Variants in PPP3CA observed in about 807,000 individuals in gnomAD.
The protein encoded by PPP3CA is CAM-PRP catalytic subunit.
A neutral mutation model predicts 66.5 loss-of-function variants in PPP3CA; 14 were observed. The ratio of observed to expected loss-of-function variants is 0.21; its 90% CI spans 0.14 to 0.33. The LOEUF (loss-of-function observed/expected upper bound fraction) is 0.33. Among genes scored for constraint, PPP3CA ranks in the 10% least tolerant of loss-of-function variants. The pLI is 1.00. For synonymous variants in PPP3CA, 232 were observed against 226.2 expected (o/e 1.03, Z -0.23); for missense variants, 317 against 639.5 (o/e 0.50, Z 5.44).
At chr4:101,287,972 T>A (rs1394066890) in intron 1 of PPP3CA, among the ~76,000 whole-genome samples, 1 of 152,144 alleles carries the variant, frequency 6.6e-6, no homozygotes, top group African/African-American at 2.4e-5. Context: ...ACCCAACCGT[T>A]TAAGTCAGAC....
chr4:101,344,519 C>A (rs1729917112), intron 1 of PPP3CA, among the ~76,000 whole-genome samples: 1 of 152,128 alleles, frequency 6.6e-6, no homozygotes, highest in Non-Finnish European at 1.5e-5. Flanking sequence ...TCTATCAAAA[C>A]AAATGCAAAA....
At chr4:101,113,971 G>A (rs768819740) in intron 2 of PPP3CA, among the ~76,000 whole-genome samples, 19 of 152,060 alleles carry the variant, frequency 1.2e-4, no homozygotes, top group Non-Finnish European at 1.3e-4. Flanking sequence ...TGAACAACCA[G>A]GCTCTGACAA....
At chr4:101,301,666 G>A (rs1299756484) in intron 1 of PPP3CA, among the ~76,000 whole-genome samples, 1 of 148,636 alleles carries the variant, frequency 6.7e-6, no homozygotes, top group Admixed American at 6.7e-5. Context: ...GTTAATTTTT[G>A]TATTTTCAGT....
In PPP3CA at chr4:101,241,326, G is replaced by C. The variant is rs369810627; in HGVS notation, c.59-45210C>G. ...GCTGCTTCATAGTTTTGACAGGAAA[G>C]CCACCTAAGATAATATGTGGAAGGC... On this transcript the variant is annotated intron_variant, in intron 1 of 13. Coordinates refer to ENST00000394854, the MANE Select transcript of PPP3CA (RefSeq NM_000944.5). Among the ~76,000 whole-genome samples, 5 of 152,196 alleles carry C rather than the reference G, an allele frequency of 3.3e-5. No homozygotes were observed. The South Asian group carries it at 1.0e-3, about 32-fold the overall frequency.
intron 2 of PPP3CA, among the ~76,000 whole-genome samples, chr4:101,151,697 C>T (rs1324678115): frequency 2.9e-5 from 3 of 103,982 alleles, no homozygotes; most frequent in Non-Finnish European, 5.2e-5. Flanking sequence ...TGCTCTGTTG[C>T]CCAGGCTGGA....
At chr4:101,281,854 G>A (rs943425118) in intron 1 of PPP3CA, among the ~76,000 whole-genome samples, 13 of 152,290 alleles carry the variant, frequency 8.5e-5, no homozygotes, top group East Asian at 5.8e-4. Context: ...AACAAAGACA[G>A]ACTTGCTAGT....
At chr4:101,251,166 T>C (rs1271039495) in intron 1 of PPP3CA, among the ~76,000 whole-genome samples, 1 of 152,022 alleles carries the variant, frequency 6.6e-6, no homozygotes, top group Non-Finnish European at 1.5e-5. Context: ...CATAAAATTA[T>C]ATCATATGAA....
At chr4:101,125,111 G>T (rs1029248219) in intron 2 of PPP3CA, among the ~76,000 whole-genome samples, 4 of 138,940 alleles carry the variant, frequency 2.9e-5, no homozygotes, top group Admixed American at 1.4e-4. Context: ...ACATAGGCAG[G>T]GGGGGTATAA....
intron 6 of PPP3CA, among the ~76,000 whole-genome samples, chr4:101,088,584 C>CAA (rs1174497803): frequency 0.064 from 2,068 of 32,162 alleles, 35 homozygotes; most frequent in Middle Eastern, 0.12. Context: ...GACTCCATCT[C>CAA]AAAAAAAAAA....
At chr4:101,139,666 C>T (rs955061173) in intron 2 of PPP3CA, among the ~76,000 whole-genome samples, 1 of 150,152 alleles carries the variant, frequency 6.7e-6, no homozygotes, top group Non-Finnish European at 1.5e-5. Flanking sequence ...GGATCTTCTA[C>T]CCAAAGTGAC....
At chr4:101,051,920 G>A (rs1347501435) in intron 10 of PPP3CA, among the ~76,000 whole-genome samples, 2 of 152,020 alleles carry the variant, frequency 1.3e-5, no homozygotes, top group African/African-American at 4.8e-5. Flanking sequence ...TTGAAATACA[G>A]TGTAAAATCT....
chr4:101,162,528 A>AAAATAAATAAATAAAT (rs70961778), intron 2 of PPP3CA, among the ~76,000 whole-genome samples: 4 of 143,884 alleles, frequency 2.8e-5, no homozygotes, highest in East Asian at 2.1e-4. Flanking sequence ...AGACTCCATC[A>AAAATAAATAAATAAAT]AAATAAATAA....
In PPP3CA at chr4:101,064,200, C is replaced by A. The variant is rs961853273; in HGVS notation, c.956-843G>T. 4.6e-5 allele frequency among the ~76,000 whole-genome samples: 7 copies of A among 152,018 alleles called. No homozygotes were observed. The East Asian group carries it at 1.4e-3, about 29-fold the overall frequency. ...TGCATGCTTCATGTCTCTGTGAGTA[C>A]TTTCAATAAAGGAAAAGTCACCTGT... On this transcript the variant is annotated intron_variant, in intron 8 of 13. Transcript: ENST00000394854.
intron 1 of PPP3CA, among the ~76,000 whole-genome samples, chr4:101,249,041 T>A (rs1726584357): frequency 6.6e-6 from 1 of 151,440 alleles, no homozygotes; most frequent in Admixed American, 6.6e-5. Context: ...GCGCCTGTAG[T>A]CCCAGCTACT....
At chr4:101,061,374 T>C (rs1270117098) in intron 9 of PPP3CA, among the ~76,000 whole-genome samples, 2 of 152,148 alleles carry the variant, frequency 1.3e-5, no homozygotes, top group African/African-American at 4.8e-5. Context: ...TGATATCTAA[T>C]GGTAACATTT....
chr4:101,238,132 C>T (rs13133951), intron 1 of PPP3CA, among the ~76,000 whole-genome samples: 3,157 of 152,106 alleles, frequency 0.021, 40 homozygotes, highest in Middle Eastern at 0.041. Context: ...GATATGGCCA[C>T]CAGATCCAGA....
rs1249654655 is a variant in PPP3CA at position 101,106,434 on chromosome 4, AAAGAAAGAAAGAAAG to A, written c.384+2505_384+2519del. 8.0e-4 allele frequency among the ~76,000 whole-genome samples: 11 copies of A among 13,678 alleles called. 1 individual carries two copies. The highest frequency in any genetic ancestry group is 2.8e-3 in the African/African-American group (11 of 3,906). 9.0% of individuals were successfully genotyped at this position (13,678 alleles called of 152,430 possible). ...GAAAGAAAGAAAGAAAGAAAGAAAG[AAAGAAAGAAAGAAAG>A]AAAGAGAAAAGAAAAGAAAAGAAAA... On this transcript the variant is annotated intron_variant, in intron 3 of 13. Coordinates refer to ENST00000394854, the MANE Select transcript of PPP3CA (RefSeq NM_000944.5).
chr4:101,103,937 A>C (rs1475537283), intron 3 of PPP3CA, among the ~76,000 whole-genome samples: 1 of 152,192 alleles, frequency 6.6e-6, no homozygotes, highest in Non-Finnish European at 1.5e-5. Flanking sequence ...ATTACTCAAA[A>C]CAAAATTACC....
chr4:101,331,892 C>T (rs112221253), intron 1 of PPP3CA, among the ~76,000 whole-genome samples: 1 of 152,082 alleles, frequency 6.6e-6, no homozygotes, highest in African/African-American at 2.4e-5. Context: ...AGAGTTCCTG[C>T]AAACCAGTAA....
Sources: allele counts gnomAD v4.1 joint callset (sites outside exome capture counted in the v4.1 genomes callset), GRCh38; gene constraint gnomAD v4.1.1; transcripts MANE v1.5; gene names NCBI Gene and HGNC (gene_info 2026-07-23, HGNC 2026-07-21).